RRP12: variants seen among roughly 807,000 people sequenced by gnomAD.
RRP12 encodes ribosomal RNA processing 12 homolog.
RRP12 carries 78 observed loss-of-function variants against 157.3 expected under a neutral mutation model. The observed-to-expected ratio is 0.50, with a 90% CI of 0.41 to 0.60. RRP12 has a LOEUF of 0.60. RRP12 is among the 20% of genes least tolerant of loss of function. RRP12 has a pLI of 0.00. For synonymous variants in RRP12, 726 were observed against 670.9 expected (o/e 1.08, Z -1.27); for missense variants, 1,521 against 1,679.9 (o/e 0.91, Z 1.65).
At chr10:97,375,567 G>A (rs1253655056) in intron 15 of RRP12, among the ~76,000 whole-genome samples, 3 of 152,114 alleles carry the variant, frequency 2.0e-5, no homozygotes, top group African/African-American at 7.2e-5. Context: ...ATACCTGCGT[G>A]TAGTATTACC....
intron 3 of RRP12, 40 bp from the exon 4 acceptor site, chr10:97,393,800 T>G: frequency 6.5e-7 from 1 of 1,534,734 alleles, no homozygotes; most frequent in Non-Finnish European, 9.0e-7. Flanking sequence ...GATAAAAACT[T>G]ACACTGAGCA....
intron 2 of RRP12, 92 bp from the exon 3 acceptor site, chr10:97,396,393 T>G: frequency 1.0e-5 from 10 of 981,780 alleles, no homozygotes; most frequent in Non-Finnish European, 1.4e-5. Context: ...GATTAATCTC[T>G]GGTTAAAGCC....
chr10:97,388,671 C>A (rs1320340705), intron 6 of RRP12, 47 bp from the exon 7 acceptor site: 4 of 1,600,744 alleles, frequency 2.5e-6, no homozygotes, highest in Non-Finnish European at 2.6e-6. Context: ...AGCGTTCCAC[C>A]AGCATCTTGG....
chr10:97,363,566 C>T (rs568453735), intron 30 of RRP12, among the ~76,000 whole-genome samples: 1 of 152,186 alleles, frequency 6.6e-6, no homozygotes. Context: ...ATGCCCCCAC[C>T]CCATGCAGGA....
In RRP12 at chr10:97,370,160, C is replaced by G. The variant is rs1218262086; in HGVS notation, c.2797+7G>C. On this transcript the variant is annotated splice_region_variant and intron_variant, in intron 24 of 33. Coordinates refer to ENST00000370992, the MANE Select transcript of RRP12 (RefSeq NM_015179.4). ...CTTCTCAGGCCTTCTAGGAAATAAG[C>G]ATTTACCTTTAAACTCGAAAAGGAG... is the stretch of plus-strand genomic sequence containing the variant. 6.3e-7 allele frequency: 1 copy of G among 1,576,548 alleles called. No homozygotes were observed. The highest frequency in any genetic ancestry group is 8.6e-7 in the Non-Finnish European group (1 of 1,156,132).
chr10:97,387,066 A>C (rs1731522823), intron 8 of RRP12, among the ~76,000 whole-genome samples: 1 of 152,076 alleles, frequency 6.6e-6, no homozygotes, highest in Admixed American at 6.6e-5. Flanking sequence ...CCCCCCATGG[A>C]CATAAAAATC....
At position 97,366,207 on chromosome 10, in the gene RRP12, T is replaced by C. The variant is rs1843974162; in HGVS notation, c.3418A>G (p.Arg1140Gly). The C allele has an allele frequency of 6.2e-7, 1 of 1,611,620 alleles. No individual in the cohort carries two copies. The highest frequency in any genetic ancestry group is 8.5e-7 in the Non-Finnish European group (1 of 1,179,972). The change falls in exon 29 of 34, where the codon AGG (arginine) becomes GGG (glycine). Residue 1140 changes from arginine to glycine, a missense_variant. Physicochemically the swap from Arg to Gly is moderately radical, Grantham distance 125. Coordinates refer to ENST00000370992, the MANE Select transcript of RRP12 (RefSeq NM_015179.4). ...LATQPGPGRGRKKDHGFKVSA... is the reference protein window; with the variant it reads ...LATQPGPGRGGKKDHGFKVSA... ...ACCTTGAAGCCGTGGTCCTTCTTCC[T>C]GCCCCGGCCTGGCCCTGGCTGCGTG... is the stretch of plus-strand genomic sequence containing the variant.
chr10:97,393,975 T>C (rs903748263), intron 3 of RRP12, among the ~76,000 whole-genome samples: 3 of 152,188 alleles, frequency 2.0e-5, no homozygotes, highest in Non-Finnish European at 1.5e-5. Context: ...ATACTAATGC[T>C]ACATACCTTA....
chr10:97,379,040 C>T (rs1340604492), intron 15 of RRP12, among the ~76,000 whole-genome samples: 1 of 152,238 alleles, frequency 6.6e-6, no homozygotes, highest in Non-Finnish European at 1.5e-5. Flanking sequence ...CCAGTTGGGG[C>T]AGCTCCATGT....
intron 14 of RRP12, 98 bp from the exon 15 acceptor site, chr10:97,379,512 G>A: frequency 6.3e-7 from 1 of 1,586,896 alleles, no homozygotes; most frequent in South Asian, 1.1e-5. Context: ...ACCTCCTCTG[G>A]CCCCTCCTGC....
At chr10:97,375,807 C>A (rs775651532) in intron 15 of RRP12, among the ~76,000 whole-genome samples, 1 of 151,994 alleles carries the variant, frequency 6.6e-6, no homozygotes, top group Non-Finnish European at 1.5e-5. Context: ...ACTATTTTTA[C>A]ACAGAAAAAA....
intron 8 of RRP12, among the ~76,000 whole-genome samples, chr10:97,387,149 T>G (rs1844656219): frequency 6.6e-6 from 1 of 152,138 alleles, no homozygotes; most frequent in Admixed American, 6.6e-5. Context: ...CCCATACACT[T>G]TAAATCACCT....
chr10:97,386,339 G>A (rs757374994), intron 8 of RRP12, among the ~76,000 whole-genome samples: 13 of 147,580 alleles, frequency 8.8e-5, no homozygotes, highest in Non-Finnish European at 1.8e-4. Flanking sequence ...ACAGGTGCAT[G>A]CCACTGTGCC....
Position 97,372,256 on chromosome 10 carries a change from G to A in RRP12, c.2250-90C>T, listed in dbSNP as rs1844178568. ...TCTTACGTCTACTGGGTATGGGGAGGTGGGAGAAGTCAGGGTGAGGACAAG... is the reference window on the plus strand; with the variant it reads ...TCTTACGTCTACTGGGTATGGGGAGATGGGAGAAGTCAGGGTGAGGACAAG... On this transcript the variant is annotated intron_variant, in intron 19 of 33. Coordinates refer to ENST00000370992, the MANE Select transcript of RRP12 (RefSeq NM_015179.4). 3 of 941,830 alleles carry A rather than the reference G, an allele frequency of 3.2e-6. No individual in the cohort carries two copies. In the African/African-American group the frequency reaches 4.8e-5, roughly 15 times the overall value. The allele number at this position is 941,830 out of a possible 1,614,324, so 58.3% of individuals were successfully genotyped here. A position where few individuals can be genotyped will look rare whatever the true frequency, so the allele number is the denominator to read the frequency against.
intron 3 of RRP12, among the ~76,000 whole-genome samples, chr10:97,395,709 G>A (rs906247552): frequency 3.3e-5 from 5 of 151,888 alleles, no homozygotes; most frequent in African/African-American, 9.7e-5. Context: ...AAATAAGCCG[G>A]GTATGGTGGT....
chr10:97,371,462 C>T (rs1409996150), intron 20 of RRP12: 3 of 246,134 alleles, frequency 1.2e-5, no homozygotes, highest in East Asian at 9.2e-5. Flanking sequence ...TGTCACACTC[C>T]CCCAACCCCC....
chr10:97,390,476 T>A lies in RRP12; in HGVS notation c.700A>T (p.Thr234Ser), dbSNP rs371735448. 3 of 1,613,916 alleles carry A rather than the reference T, an allele frequency of 1.9e-6. No individual in the cohort carries two copies. In the African/African-American group the frequency reaches 4.0e-5, roughly 22 times the overall value. Residue 234 changes from threonine to serine, a missense_variant, in exon 6 of 34, where the codon ACC becomes TCC. Thr to Ser is a moderately conservative substitution (Grantham distance 58, BLOSUM62 1). Coordinates refer to ENST00000370992, the MANE Select transcript of RRP12 (RefSeq NM_015179.4). ...QDLEAWGYPV[T>S]LQVYHGLLSF... is the part of the protein sequence containing the mutation. ...AGCAGCCCATGGTACACCTGAAGGG[T>A]CACGGGGTAGCCCCAGGCCTCCAGG...
chr10:97,361,120 T>A (rs912042647), intron 30 of RRP12, among the ~76,000 whole-genome samples: 6 of 152,162 alleles, frequency 3.9e-5, no homozygotes, highest in African/African-American at 1.4e-4. Flanking sequence ...CTCCACGGGC[T>A]CTCAGGCGGG....
chr10:97,393,621 T>C (rs1333758740), intron 4 of RRP12, 63 bp downstream of exon 4: 1 of 1,232,062 alleles, frequency 8.1e-7, no homozygotes, highest in Non-Finnish European at 1.2e-6. Flanking sequence ...CTGTTTCTCC[T>C]GTCCACATTC....
Sources: gnomAD v4.1 joint callset for allele counts (sites outside exome capture counted in the v4.1 genomes callset) on GRCh38, gnomAD v4.1.1 for gene constraint, MANE v1.5 for transcripts, NCBI Gene and HGNC (gene_info 2026-07-23, HGNC 2026-07-21) for gene names.